Variants in TMEM117 observed in about 807,000 individuals in gnomAD.
TMEM117 encodes transmembrane protein 117.
TMEM117 carries 27 observed loss-of-function variants against 52.4 expected under a neutral mutation model. The observed-to-expected ratio is 0.51, with a 90% CI of 0.38 to 0.71. The LOEUF (loss-of-function observed/expected upper bound fraction) is 0.71. Ranked by LOEUF, TMEM117 falls within the 30% of genes least tolerant of loss-of-function variation. The pLI is 0.00. For synonymous variants in TMEM117, 215 were observed against 206.3 expected (o/e 1.04, Z -0.36); for missense variants, 556 against 630.5 (o/e 0.88, Z 1.26).
intron 3 of TMEM117, among the ~76,000 whole-genome samples, chr12:43,946,389 T>TC (rs202236515): frequency 4.4e-5 from 1 of 22,648 alleles, no homozygotes. Context: ...TTTTTTTTTT[T>TC]TTTTTGTTTG....
intron 3 of TMEM117, among the ~76,000 whole-genome samples, chr12:44,040,378 T>C (rs1207344233): frequency 6.6e-6 from 1 of 152,128 alleles, no homozygotes; most frequent in African/African-American, 2.4e-5. Context: ...AATTCCACTG[T>C]TTAGTTTCTT....
At chr12:44,248,260 T>A (rs887513314) in intron 5 of TMEM117, among the ~76,000 whole-genome samples, 2 of 152,084 alleles carry the variant, frequency 1.3e-5, no homozygotes, top group African/African-American at 4.8e-5. Context: ...TTGGGGAGGG[T>A]GCACCATTTA....
intron 6 of TMEM117, among the ~76,000 whole-genome samples, chr12:44,310,150 A>C (rs1371153173): frequency 2.0e-5 from 3 of 152,224 alleles, no homozygotes; most frequent in African/African-American, 4.8e-5. Flanking sequence ...TGGATAGAAG[A>C]AAATTAATTT....
intron 3 of TMEM117, among the ~76,000 whole-genome samples, chr12:44,034,705 A>G (rs141413669): frequency 3.9e-5 from 6 of 152,348 alleles, no homozygotes; most frequent in Admixed American, 3.3e-4. Context: ...AAAACCCTGT[A>G]TTCTGTAGGA....
chr12:44,173,634 T>G (rs1592579645), intron 4 of TMEM117, among the ~76,000 whole-genome samples: 1 of 150,756 alleles, frequency 6.6e-6, no homozygotes, highest in African/African-American at 2.5e-5. Flanking sequence ...AGTAGGTTCT[T>G]AATATAGATA....
At chr12:44,236,623 T>A (rs144104038) in intron 5 of TMEM117, among the ~76,000 whole-genome samples, 54 of 152,300 alleles carry the variant, frequency 3.5e-4, no homozygotes, top group African/African-American at 1.2e-3. Flanking sequence ...TTCTATTGGT[T>A]CTCAGTGTTG....
intron 2 of TMEM117, among the ~76,000 whole-genome samples, chr12:43,906,835 G>A (rs1052432834): frequency 3.3e-5 from 5 of 151,582 alleles, no homozygotes; most frequent in African/African-American, 4.9e-5. Context: ...CACCTGGCTC[G>A]GAGGGTCCTA....
intron 5 of TMEM117, among the ~76,000 whole-genome samples, chr12:44,228,535 C>A (rs1289261452): frequency 6.6e-6 from 1 of 151,938 alleles, no homozygotes; most frequent in East Asian, 1.9e-4. Context: ...TCAATAAATC[C>A]CATAATGGCA....
downstream of TMEM117, among the ~76,000 whole-genome samples, chr12:44,393,391 A>G (rs1265105946): frequency 1.3e-5 from 2 of 152,198 alleles, no homozygotes; most frequent in South Asian, 4.1e-4. Flanking sequence ...CATATTAATG[A>G]TACCACCATT....
At chr12:44,353,958 C>T (rs1951605422) in intron 6 of TMEM117, among the ~76,000 whole-genome samples, 1 of 152,116 alleles carries the variant, frequency 6.6e-6, no homozygotes. Flanking sequence ...TTGTTTGTAT[C>T]CTCTTTTATT....
At chr12:44,228,853 C>T (rs1949897806) in intron 5 of TMEM117, among the ~76,000 whole-genome samples, 1 of 152,070 alleles carries the variant, frequency 6.6e-6, no homozygotes, top group Non-Finnish European at 1.5e-5. Flanking sequence ...GGTGTGGAGC[C>T]TGTGGGCCAC....
chr12:44,342,858 G>T (rs1340546077), intron 6 of TMEM117, among the ~76,000 whole-genome samples: 1 of 151,906 alleles, frequency 6.6e-6, no homozygotes, highest in Non-Finnish European at 1.5e-5. Flanking sequence ...AGGAAAAAGA[G>T]AATGGTTTGT....
chr12:44,356,850 C>T (rs1951655897), intron 6 of TMEM117, among the ~76,000 whole-genome samples: 1 of 152,114 alleles, frequency 6.6e-6, no homozygotes, highest in African/African-American at 2.4e-5. Flanking sequence ...ACAAGACTCT[C>T]CCCACTGTAG....
intron 3 of TMEM117, among the ~76,000 whole-genome samples, chr12:44,079,942 C>T (rs1027702416): frequency 1.4e-4 from 20 of 146,970 alleles, no homozygotes; most frequent in South Asian, 6.6e-4. Flanking sequence ...CACTTGAACC[C>T]GGGGGGCACA....
At chr12:44,141,516 A>G (rs1333728376) in intron 3 of TMEM117, among the ~76,000 whole-genome samples, 1 of 152,162 alleles carries the variant, frequency 6.6e-6, no homozygotes, top group African/African-American at 2.4e-5. Flanking sequence ...ATAGTAAAAT[A>G]AAAGAATGAT....
chr12:44,132,024 A>G (rs1307694630), intron 3 of TMEM117, among the ~76,000 whole-genome samples: 3 of 152,076 alleles, frequency 2.0e-5, no homozygotes, highest in Admixed American at 6.6e-5. Flanking sequence ...AAGTCTATCC[A>G]TACAGGCTGA....
intron 3 of TMEM117, chr12:44,008,659 G>T: frequency 7.8e-6 from 2 of 257,906 alleles, no homozygotes; most frequent in Non-Finnish European, 7.7e-6. Context: ...TTCTTCTGTG[G>T]CTTTTCTGGT....
At chr12:44,082,237 G>A (rs1947492783) in intron 3 of TMEM117, among the ~76,000 whole-genome samples, 1 of 151,828 alleles carries the variant, frequency 6.6e-6, no homozygotes, top group East Asian at 1.9e-4. Flanking sequence ...TTCAGTATGA[G>A]TTAGAAAGTA....
the TMEM117 span, among the ~76,000 whole-genome samples, chr12:43,820,200 C>T: frequency 1.3e-5 from 2 of 152,128 alleles, no homozygotes; most frequent in African/African-American, 2.4e-5. Context: ...CCGGTTCAAG[C>T]GATTCTCCTG....
Sources: allele counts gnomAD v4.1 joint callset (sites outside exome capture counted in the v4.1 genomes callset), GRCh38; gene constraint gnomAD v4.1.1; transcripts MANE v1.5; gene names NCBI Gene and HGNC (gene_info 2026-07-23, HGNC 2026-07-21).